NPAS3: variants seen among roughly 807,000 people sequenced by gnomAD.
The protein encoded by NPAS3 is neuronal PAS domain-containing protein 3.
Under a neutral mutation model 73.1 loss-of-function variants are expected in NPAS3, and 14 were observed. That is an observed-to-expected ratio of 0.19 (90% CI 0.13 to 0.30). The LOEUF is 0.30. NPAS3 is among the 10% of genes least tolerant of loss of function. The pLI, the probability that NPAS3 is intolerant of heterozygous loss-of-function variation, is 1.00. For missense variants in NPAS3, 1,096 were observed against 1,250.0 expected (o/e 0.88, Z 1.86); for synonymous variants, 620 against 541.5 (o/e 1.14, Z -2.01).
chr14:33,352,946 T>C (rs746714902), intron 3 of NPAS3, among the ~76,000 whole-genome samples: 3 of 152,256 alleles, frequency 2.0e-5, no homozygotes, highest in Middle Eastern at 3.4e-3. Context: ...CTTATCAGAA[T>C]CTGAAAACCT....
At chr14:33,675,729 AT>A (rs1228481224) in intron 5 of NPAS3, among the ~76,000 whole-genome samples, 2 of 152,224 alleles carry the variant, frequency 1.3e-5, no homozygotes, top group African/African-American at 4.8e-5. Context: ...ATCAGATGAT[AT>A]GTATAAAAAC....
intron 1 of NPAS3, among the ~76,000 whole-genome samples, chr14:32,984,878 T>A (rs2038037339): frequency 1.3e-5 from 2 of 152,200 alleles, no homozygotes; most frequent in African/African-American, 4.8e-5. Flanking sequence ...AGTCTACAGC[T>A]CCAGTGTAGT....
At chr14:33,713,008 C>T (rs1337668871) in intron 6 of NPAS3, among the ~76,000 whole-genome samples, 2 of 152,144 alleles carry the variant, frequency 1.3e-5, no homozygotes, top group Non-Finnish European at 2.9e-5. Context: ...TCATCTCTTA[C>T]TCCTCCCAAT....
intron 1 of NPAS3, among the ~76,000 whole-genome samples, chr14:32,974,915 C>A (rs2037590738): frequency 6.6e-6 from 1 of 151,984 alleles, no homozygotes; most frequent in African/African-American, 2.4e-5. Flanking sequence ...CAGAAAAGAA[C>A]AAATGAAAGG....
intron 2 of NPAS3, among the ~76,000 whole-genome samples, chr14:33,060,714 T>C (rs2041067539): frequency 1.3e-5 from 2 of 152,250 alleles, no homozygotes; most frequent in African/African-American, 4.8e-5. Flanking sequence ...TGATTGTCTA[T>C]AGCCCTCATT....
At chr14:33,410,529 C>T (rs2047875382) in intron 4 of NPAS3, among the ~76,000 whole-genome samples, 1 of 152,174 alleles carries the variant, frequency 6.6e-6, no homozygotes, top group South Asian at 2.1e-4. Flanking sequence ...GCTTATAAAA[C>T]AGAAAATTCA....
intron 4 of NPAS3, among the ~76,000 whole-genome samples, chr14:33,512,046 T>G (rs2053080403): frequency 6.6e-6 from 1 of 152,028 alleles, no homozygotes. Flanking sequence ...TTTTGAACAG[T>G]CTTGCACTTT....
At chr14:33,399,361 C>T (rs1050764390) in intron 4 of NPAS3, among the ~76,000 whole-genome samples, 17 of 152,020 alleles carry the variant, frequency 1.1e-4, no homozygotes, top group African/African-American at 2.2e-4. Flanking sequence ...TTGCCTCTTC[C>T]GGTAGAACAA....
intron 4 of NPAS3, among the ~76,000 whole-genome samples, chr14:33,373,094 T>G (rs189268256): frequency 6.6e-6 from 1 of 152,378 alleles, no homozygotes; most frequent in Non-Finnish European, 1.5e-5. Context: ...ACTGTCTTCA[T>G]AAGTCATAAA....
At chr14:33,472,779 A>G (rs1181831457) in intron 4 of NPAS3, among the ~76,000 whole-genome samples, 2 of 149,724 alleles carry the variant, frequency 1.3e-5, no homozygotes, top group East Asian at 2.0e-4. Flanking sequence ...ATGCGTGTAT[A>G]TGGGGTGGGG....
At chr14:33,002,995 C>T (rs970206683) in intron 1 of NPAS3, among the ~76,000 whole-genome samples, 2 of 151,890 alleles carry the variant, frequency 1.3e-5, no homozygotes, top group Non-Finnish European at 2.9e-5. Context: ...CATTGAGAGT[C>T]TCCCTGTATA....
chr14:33,108,195 AT>A lies in NPAS3; in HGVS notation c.140+52217del, dbSNP rs11373741. Among the ~76,000 whole-genome samples the A allele has an allele frequency of 3.2e-3, 452 of 140,394 alleles. 1 individual carries two copies. Among genetic ancestry groups the A allele is most frequent in the African/African-American group, 9.8e-3 (374 of 38,106 alleles). The allele number at this position is 140,394 out of a possible 152,430, so 92.1% of individuals were successfully genotyped here. On this transcript the variant is annotated intron_variant, in intron 2 of 11. Coordinates refer to ENST00000356141, the Ensembl canonical transcript of NPAS3. ...TATTAGCCATCTATTTATTGTTCTGATTTTTTTTTTTTTTTTGAGATGGAAT... is the reference window on the plus strand; with the variant it reads ...TATTAGCCATCTATTTATTGTTCTGATTTTTTTTTTTTTTTGAGATGGAAT...
chr14:33,337,704 C>T (rs576772728), intron 3 of NPAS3, among the ~76,000 whole-genome samples: 2 of 152,170 alleles, frequency 1.3e-5, no homozygotes, highest in South Asian at 2.1e-4. Context: ...CTGAGTCTCT[C>T]AACCTGTGAA....
At chr14:33,152,867 A>G (rs1235453172) in intron 2 of NPAS3, among the ~76,000 whole-genome samples, 1 of 151,710 alleles carries the variant, frequency 6.6e-6, no homozygotes, top group East Asian at 1.9e-4. Flanking sequence ...AGTTCTGGAA[A>G]ATGTTAAGTA....
chr14:33,497,338 G>A (rs779036942), intron 4 of NPAS3, among the ~76,000 whole-genome samples: 1 of 152,152 alleles, frequency 6.6e-6, no homozygotes, highest in East Asian at 1.9e-4. Context: ...CACAGAACTA[G>A]AAAAAACTAC....
chr14:33,750,992 G>A lies in NPAS3; in HGVS notation c.852+15660G>A, dbSNP rs554921484. Among the ~76,000 whole-genome samples, 49 of 152,276 alleles carry A rather than the reference G, an allele frequency of 3.2e-4. 2 individuals carry two copies. In the South Asian group the frequency reaches 1.0e-2, roughly 31 times the overall value. ...ATATGAAGGAAGGGAACTCTAAACA[G>A]AGGGAATGGTATCAATAAAGAGATG... is the stretch of plus-strand genomic sequence containing the variant. On this transcript the variant is annotated intron_variant, in intron 7 of 11. Coordinates refer to ENST00000356141, the Ensembl canonical transcript of NPAS3.
chr14:32,951,171 G>T (rs138692779), intron 1 of NPAS3, among the ~76,000 whole-genome samples: 1 of 151,942 alleles, frequency 6.6e-6, no homozygotes, highest in Non-Finnish European at 1.5e-5. Context: ...TAACCTTTCA[G>T]AGCCTCAGTT....
In NPAS3 at chr14:33,782,360, G is replaced by A. The variant is rs543724728; in HGVS notation, c.1153+3788G>A. ...GGCTCTTCAATTATGAGACGTTTCA[G>A]TGCAACCATCTACCACTCTACTTCT... On this transcript the variant is annotated intron_variant, in intron 9 of 11. Coordinates refer to ENST00000356141, the Ensembl canonical transcript of NPAS3. Among the ~76,000 whole-genome samples, 4 of 152,196 alleles carry A rather than the reference G, an allele frequency of 2.6e-5. No homozygotes were observed. In the East Asian group the frequency reaches 7.7e-4, roughly 29 times the overall value.
chr14:33,367,146 A>C lies in NPAS3; in HGVS notation c.386-40A>C, dbSNP rs374097384. On this transcript the variant is annotated intron_variant, in intron 3 of 11. Coordinates refer to ENST00000356141, the Ensembl canonical transcript of NPAS3. ...GCTGAAGATATGAATCAGAGCTCCA[A>C]CTTAATTGTTCTGTTTTCTTTCTTT... is the stretch of plus-strand genomic sequence containing the variant. 67 of 804,282 alleles carry C rather than the reference A, an allele frequency of 8.3e-5. 1 individual carries two copies. Among genetic ancestry groups the C allele is most frequent in the South Asian group, 8.2e-4 (53 of 64,970 alleles). The allele number at this position is 804,282 out of a possible 1,614,324, so 49.8% of individuals were successfully genotyped here.
Sources: allele counts gnomAD v4.1 joint callset (sites outside exome capture counted in the v4.1 genomes callset), GRCh38; gene constraint gnomAD v4.1.1; transcripts MANE v1.5; gene names NCBI Gene and HGNC (gene_info 2026-07-23, HGNC 2026-07-21).